Variants in GALNT18 observed in about 807,000 individuals in gnomAD.
GALNT18 encodes the protein polypeptide N-acetylgalactosaminyltransferase 18.
A neutral mutation model predicts 69.5 loss-of-function variants in GALNT18; 44 were observed. That is an observed-to-expected ratio of 0.63 (90% confidence interval 0.50 to 0.81). The LOEUF is 0.81. Among genes scored for constraint, GALNT18 ranks in the 40% least tolerant of loss-of-function variants. GALNT18 has a pLI of 0.00. For missense variants in GALNT18, 715 were observed against 810.0 expected (o/e 0.88, Z 1.42); for synonymous variants, 364 against 318.2 (o/e 1.14, Z -1.53).
chr11:11,378,441 C>T (rs1853827463), intron 4 of GALNT18, among the ~76,000 whole-genome samples: 1 of 152,176 alleles, frequency 6.6e-6, no homozygotes, highest in Admixed American at 6.5e-5. Context: ...TCCAGCCCTG[C>T]AGGGAGGTCT....
In GALNT18 at chr11:11,318,363, T is replaced by A. The variant is rs1268939888; in HGVS notation, c.1512+8723A>T. On this transcript the variant is annotated intron_variant, in intron 9 of 10. Transcript: ENST00000227756. This position sits in a 1 kb window ranked among gnomAD's most constrained non-coding sequence, Gnocchi z 5.1. ...AGTAGAATGGACCCTTAATCCAACA[T>A]GAGTAGTGTCCTTATAAAAAGGGGC... Among the ~76,000 whole-genome samples, 2 of 152,188 alleles carry A rather than the reference T, an allele frequency of 1.3e-5. No individual in the cohort carries two copies. The highest frequency in any genetic ancestry group is 4.1e-4 in the South Asian group (2 of 4,828).
chr11:11,578,960 G>T (rs1171057863), intron 1 of GALNT18, among the ~76,000 whole-genome samples: 1 of 152,192 alleles, frequency 6.6e-6, no homozygotes, highest in African/African-American at 2.4e-5. Flanking sequence ...AAGGGATGGG[G>T]TGGCCTCTCT....
intron 1 of GALNT18, among the ~76,000 whole-genome samples, chr11:11,491,246 A>T (rs1268870475): frequency 6.6e-6 from 1 of 152,192 alleles, no homozygotes; most frequent in Non-Finnish European, 1.5e-5. Context: ...CTGCTCACTT[A>T]TAAGACATGT....
chr11:11,506,980 C>T lies in GALNT18; in HGVS notation c.236-58044G>A, dbSNP rs1314991609. Among the ~76,000 whole-genome samples the T allele has an allele frequency of 4.6e-5, 7 of 152,324 alleles. 1 individual carries two copies. Among genetic ancestry groups the T allele is most frequent in the Middle Eastern group, 6.8e-3 (2 of 294 alleles). ...TACAGGACAAAACCCTTCAGGGTCGCTCCCAATAGAAAGAGCACCTGCAAG... is the reference window on the plus strand; with the variant it reads ...TACAGGACAAAACCCTTCAGGGTCGTTCCCAATAGAAAGAGCACCTGCAAG... On this transcript the variant is annotated intron_variant, in intron 1 of 10. Coordinates refer to ENST00000227756, the MANE Select transcript of GALNT18 (RefSeq NM_198516.3).
chr11:11,488,877 C>G (rs983430868), intron 1 of GALNT18, among the ~76,000 whole-genome samples: 1 of 152,226 alleles, frequency 6.6e-6, no homozygotes. Flanking sequence ...AAGCCAAGAG[C>G]TTTAACCTCT....
At chr11:11,553,504 G>A (rs999839543) in intron 1 of GALNT18, among the ~76,000 whole-genome samples, 1 of 152,154 alleles carries the variant, frequency 6.6e-6, no homozygotes, top group Non-Finnish European at 1.5e-5. Flanking sequence ...GCCTCTCCCA[G>A]AGTTCCACAG....
At chr11:11,271,536 C>T (rs1375864526) in intron 10 of GALNT18, among the ~76,000 whole-genome samples, 1 of 151,006 alleles carries the variant, frequency 6.6e-6, no homozygotes, top group East Asian at 1.9e-4. Flanking sequence ...GGCCTCCCCA[C>T]CCCTAGGTAG....
At chr11:11,476,877 C>T (rs1856411582) in intron 1 of GALNT18, among the ~76,000 whole-genome samples, 1 of 152,208 alleles carries the variant, frequency 6.6e-6, no homozygotes, top group African/African-American at 2.4e-5. Flanking sequence ...GTGCATGACA[C>T]TTCAAAGAAG....
At chr11:11,534,443 C>T (rs769833857) in intron 1 of GALNT18, among the ~76,000 whole-genome samples, 7 of 152,212 alleles carry the variant, frequency 4.6e-5, no homozygotes, top group Non-Finnish European at 1.0e-4. Flanking sequence ...GACATTTGCT[C>T]AATGCCAACT....
intron 3 of GALNT18, among the ~76,000 whole-genome samples, chr11:11,407,199 G>A (rs1854608436): frequency 6.6e-6 from 1 of 152,226 alleles, no homozygotes; most frequent in African/African-American, 2.4e-5. Flanking sequence ...AAGGGGAGGA[G>A]TGCCTGAGGA....
chr11:11,576,492 C>T (rs892339243), intron 1 of GALNT18, among the ~76,000 whole-genome samples: 3 of 152,190 alleles, frequency 2.0e-5, no homozygotes, highest in African/African-American at 7.2e-5. Context: ...AAATGTTCAC[C>T]TACAACATGC....
At position 11,494,424 on chromosome 11, in the gene GALNT18, C is replaced by A. The variant is rs1326197320; in HGVS notation, c.236-45488G>T. Among the ~76,000 whole-genome samples the A allele has an allele frequency of 6.6e-6, 1 of 152,220 alleles. No individual in the cohort carries two copies. Among genetic ancestry groups the A allele is most frequent in the African/African-American group, 2.4e-5 (1 of 41,458 alleles). Reference sequence around the variant, plus strand: ...TGACAACCTACTTCAAGGGGCCATGCCCAGGACTGCCACATCCAAGAGGTT... The same window carrying A: ...TGACAACCTACTTCAAGGGGCCATGACCAGGACTGCCACATCCAAGAGGTT... On this transcript the variant is annotated intron_variant, in intron 1 of 10. Coordinates refer to ENST00000227756, the MANE Select transcript of GALNT18 (RefSeq NM_198516.3). The surrounding 1 kb of genome is among the most constrained non-coding windows in gnomAD (Gnocchi z 5.7).
At chr11:11,391,122 C>A (rs1028103413) in intron 3 of GALNT18, among the ~76,000 whole-genome samples, 2 of 152,234 alleles carry the variant, frequency 1.3e-5, no homozygotes, top group Non-Finnish European at 2.9e-5. Flanking sequence ...CTGCAGCAAA[C>A]TGCCCTGGGA....
At position 11,515,448 on chromosome 11, in the gene GALNT18, T is replaced by C. The variant is rs1857253424; in HGVS notation, c.236-66512A>G. ...GAACCTAAGTCTCTGTGTGCCCCGA[T>C]TCCCCCTGCTCTCTCTGTATGCTGC... is the stretch of plus-strand genomic sequence containing the variant. On this transcript the variant is annotated intron_variant, in intron 1 of 10. Coordinates refer to ENST00000227756, the MANE Select transcript of GALNT18 (RefSeq NM_198516.3). Among the ~76,000 whole-genome samples the C allele has an allele frequency of 3.3e-5, 5 of 152,336 alleles. No individual in the cohort carries two copies. In the South Asian group the frequency reaches 1.0e-3, roughly 32 times the overall value.
chr11:11,367,702 T>C (rs955211093), intron 6 of GALNT18, among the ~76,000 whole-genome samples: 3 of 152,216 alleles, frequency 2.0e-5, no homozygotes, highest in African/African-American at 7.2e-5. Flanking sequence ...AAGAAGTGAA[T>C]TGAATTTAAA....
At chr11:11,360,461 T>G (rs570427264) in intron 6 of GALNT18, among the ~76,000 whole-genome samples, 7 of 152,268 alleles carry the variant, frequency 4.6e-5, no homozygotes, top group Admixed American at 3.9e-4. Flanking sequence ...TAAGCCAATT[T>G]GATTCTCTTC....
intron 1 of GALNT18, among the ~76,000 whole-genome samples, chr11:11,585,801 G>GTTTTTTTTTTTTTTTT (rs57051547): frequency 8.6e-6 from 1 of 115,896 alleles, no homozygotes; most frequent in Admixed American, 9.0e-5. Context: ...TTCTCAATAA[G>GTTTTTTTTTTTTTTTT]TTTTTTTTTT....
At chr11:11,488,582 T>C (rs1167111994) in intron 1 of GALNT18, among the ~76,000 whole-genome samples, 1 of 152,144 alleles carries the variant, frequency 6.6e-6, no homozygotes. Flanking sequence ...ATAGGGTTGT[T>C]TGGAGAGTCA....
chr11:11,432,614 C>T lies in GALNT18; in HGVS notation c.595+7G>A. 1 of 1,602,214 alleles carries T rather than the reference C, an allele frequency of 6.2e-7. No homozygotes were observed. ...GGGCCTGGGCCCTGGGAAGCTCCGA[C>T]ACTCACCGTTACTGCTGTTGTCATC... On this transcript the variant is annotated splice_region_variant and intron_variant, in intron 3 of 10. Coordinates refer to ENST00000227756, the MANE Select transcript of GALNT18 (RefSeq NM_198516.3). This position sits in a 1 kb window ranked among gnomAD's most constrained non-coding sequence, Gnocchi z 5.8.
Sources: allele counts gnomAD v4.1 joint callset (sites outside exome capture counted in the v4.1 genomes callset), GRCh38; gene constraint gnomAD v4.1.1; non-coding constraint Gnocchi (gnomAD v3.1); transcripts MANE v1.5; gene names NCBI Gene and HGNC (gene_info 2026-07-23, HGNC 2026-07-21).